The following DOCK8 variants were observed in gnomAD, a reference collection of about 807,000 sequenced individuals.
DOCK8 encodes the protein dedicator of cytokinesis protein 8.
In DOCK8, 141 loss-of-function variants were observed where a neutral mutation model predicts 245.6. The ratio of observed to expected loss-of-function variants is 0.57; its 90% CI spans 0.50 to 0.66. DOCK8 has a LOEUF of 0.66. DOCK8 is among the 30% of genes least tolerant of loss of function. The pLI, the probability that DOCK8 is intolerant of heterozygous loss-of-function variation, is 0.00. For missense variants in DOCK8, 2,965 were observed against 2,603.4 expected (o/e 1.14, Z -3.02); for synonymous variants, 1,168 against 970.2 (o/e 1.20, Z -3.79).
chr9:406,546 G>C (rs1199928262), intron 27 of DOCK8, among the ~76,000 whole-genome samples: 1 of 151,640 alleles, frequency 6.6e-6, no homozygotes, highest in East Asian at 1.9e-4. Context: ...TAAACAAAGG[G>C]GGCATTTGGT....
chr9:400,709 TCCACCATCAC>T (rs2054924428), intron 26 of DOCK8, among the ~76,000 whole-genome samples: 1 of 40,166 alleles, frequency 2.5e-5, no homozygotes, highest in Non-Finnish European at 4.3e-5. Context: ...CACCACCACC[TCCACCATCAC>T]CACCACCACC....
intron 14 of DOCK8, chr9:365,755 C>T (rs1013259158): frequency 2.4e-6 from 1 of 421,556 alleles, no homozygotes; most frequent in South Asian, 1.7e-5. Flanking sequence ...GAGAGAACAC[C>T]CTCAATCCCG....
intron 14 of DOCK8, among the ~76,000 whole-genome samples, chr9:364,193 A>G (rs1041567219): frequency 1.3e-5 from 2 of 152,220 alleles, no homozygotes; most frequent in South Asian, 2.1e-4. Flanking sequence ...AGACCAGTAT[A>G]TATTATGGCA....
chr9:378,189 G>T (rs1050115116), intron 20 of DOCK8, among the ~76,000 whole-genome samples: 1 of 152,060 alleles, frequency 6.6e-6, no homozygotes, highest in Non-Finnish European at 1.5e-5. Context: ...TGGGGAGGGT[G>T]GTATCAAAGG....
At chr9:240,156 A>G (rs2047345330) in intron 1 of DOCK8, among the ~76,000 whole-genome samples, 1 of 152,212 alleles carries the variant, frequency 6.6e-6, no homozygotes, top group African/African-American at 2.4e-5. Context: ...ATTTTTACTT[A>G]TAACATCCCT....
intron 14 of DOCK8, among the ~76,000 whole-genome samples, chr9:340,801 T>C (rs897029397): frequency 2.6e-5 from 4 of 152,176 alleles, no homozygotes; most frequent in African/African-American, 9.7e-5. Flanking sequence ...CTAAACATAG[T>C]TTACCTAATT....
At chr9:434,133 T>A (rs954306580) in intron 38 of DOCK8, among the ~76,000 whole-genome samples, 158 bp downstream of exon 38, 11 of 152,136 alleles carry the variant, frequency 7.2e-5, no homozygotes, top group Admixed American at 4.6e-4. Flanking sequence ...GTAGGTTAAT[T>A]CATATGTAAG....
intron 1 of DOCK8, among the ~76,000 whole-genome samples, chr9:226,824 G>A (rs1328921874): frequency 6.6e-6 from 1 of 152,100 alleles, no homozygotes; most frequent in Non-Finnish European, 1.5e-5. Flanking sequence ...ACTCAGGGGA[G>A]AAGTCAAGAC....
At chr9:403,947 T>TATATATATATAC (rs1491463591) in intron 26 of DOCK8, among the ~76,000 whole-genome samples, 1 of 80,238 alleles carries the variant, frequency 1.2e-5, no homozygotes, top group African/African-American at 8.2e-5. Flanking sequence ...TATATATGTG[T>TATATATATATAC]ATATATATAT....
At chr9:252,795 C>T (rs955057206) in intron 1 of DOCK8, among the ~76,000 whole-genome samples, 3 of 117,936 alleles carry the variant, frequency 2.5e-5, no homozygotes, top group African/African-American at 5.7e-5. Context: ...AAGACTCCAT[C>T]TCAAAAAAAA....
rs549749180 is a variant in DOCK8 at position 378,116 on chromosome 9, C to G, written c.2440+905C>G. On this transcript the variant is annotated intron_variant, in intron 20 of 47. Coordinates refer to ENST00000432829, the MANE Select transcript of DOCK8 (RefSeq NM_203447.4). ...AGACCTCAGAGGACTTATAATATGG[C>G]AAAGAGTCAGCAGCACAGGACAAGA... is the stretch of plus-strand genomic sequence containing the variant. Among the ~76,000 whole-genome samples the G allele has an allele frequency of 6.6e-5, 10 of 152,280 alleles. No homozygotes were observed. In the South Asian group the frequency reaches 1.9e-3, roughly 28 times the overall value.
intron 46 of DOCK8, chr9:458,188 C>G (rs974979800): frequency 3.3e-5 from 5 of 152,234 alleles, no homozygotes; most frequent in South Asian, 2.1e-4. Flanking sequence ...GACCCTGGTT[C>G]TTTTCCAATC....
chr9:230,184 T>C lies in DOCK8; in HGVS notation c.53+15155T>C, dbSNP rs564897916. Among the ~76,000 whole-genome samples, 44 of 152,090 alleles carry C rather than the reference T, an allele frequency of 2.9e-4. 1 individual carries two copies. The highest frequency in any genetic ancestry group is 2.5e-3 in the Admixed American group (38 of 15,272). On this transcript the variant is annotated intron_variant, in intron 1 of 47. Coordinates refer to ENST00000432829, the MANE Select transcript of DOCK8 (RefSeq NM_203447.4). ...GTTTTTTGTCCTTGCGATAGTTTGC[T>C]GAGAATGATGGTTTCCAGTTTCATC... is the stretch of plus-strand genomic sequence containing the variant.
intron 28 of DOCK8, among the ~76,000 whole-genome samples, chr9:407,513 A>G (rs2055490348): frequency 6.6e-6 from 1 of 152,212 alleles, no homozygotes; most frequent in African/African-American, 2.4e-5. Context: ...GGTTTCTTGC[A>G]GACAGTGCTT....
At position 464,223 on chromosome 9, in the gene DOCK8, A is replaced by G; in HGVS notation, c.*4A>G. 6.2e-7 allele frequency: 1 copy of G among 1,613,226 alleles called. No individual in the cohort carries two copies. Among genetic ancestry groups the G allele is most frequent in the Non-Finnish European group, 8.5e-7 (1 of 1,179,170 alleles). On this transcript the variant is annotated 3_prime_UTR_variant, in exon 48 of 48. Transcript: ENST00000432829. ...CCAGTTGTCACAGGGCAGCTAAGAA[A>G]AGCCATCTTCATTCGTGGAGACTGT...
intron 14 of DOCK8, among the ~76,000 whole-genome samples, chr9:345,558 G>A (rs1359580297): frequency 2.6e-5 from 4 of 152,194 alleles, no homozygotes; most frequent in African/African-American, 9.7e-5. Context: ...GAGGGTTTCA[G>A]CTGAATATTA....
Position 464,627 on chromosome 9 carries a change from G to T in DOCK8, c.*408G>T. The T allele has an allele frequency of 4.0e-6, 1 of 247,210 alleles. No homozygotes were observed. Among genetic ancestry groups the T allele is most frequent in the Non-Finnish European group, 8.0e-6 (1 of 124,496 alleles). 15.3% of individuals were successfully genotyped at this position (247,210 alleles called of 1,614,324 possible). A position where few individuals can be genotyped will look rare whatever the true frequency, so the allele number is the denominator to read the frequency against. ...AAAATGGAAAAATTATCCACCAGTC[G>T]ATTCAAACTGAATTTCACTCTTTAT... is the stretch of plus-strand genomic sequence containing the variant. On this transcript the variant is annotated 3_prime_UTR_variant, in exon 48 of 48. Transcript: ENST00000432829.
At chr9:344,341 A>T (rs986126302) in intron 14 of DOCK8, among the ~76,000 whole-genome samples, 2 of 152,178 alleles carry the variant, frequency 1.3e-5, no homozygotes, top group African/African-American at 2.4e-5. Context: ...TTTAGGAAGC[A>T]TCTTGTCTAA....
intron 14 of DOCK8, among the ~76,000 whole-genome samples, chr9:342,287 TTTC>T (rs2051638828): frequency 8.9e-6 from 1 of 112,902 alleles, no homozygotes; most frequent in African/African-American, 3.9e-5. Context: ...TTGATTTGTT[TTTC>T]TTTTTTCTTT....
Sources: allele counts gnomAD v4.1 joint callset (sites outside exome capture counted in the v4.1 genomes callset), GRCh38; gene constraint gnomAD v4.1.1; transcripts MANE v1.5; gene names NCBI Gene and HGNC (gene_info 2026-07-23, HGNC 2026-07-21).